SPAG6: variants seen among roughly 807,000 people sequenced by gnomAD.
SPAG6 encodes the protein sperm associated antigen 6.
A neutral mutation model predicts 58.5 loss-of-function variants in SPAG6; 49 were observed. The observed-to-expected ratio is 0.84, with a 90% CI of 0.67 to 1.06. The LOEUF (loss-of-function observed/expected upper bound fraction) is 1.06. Ranked by LOEUF, SPAG6 falls within the 50% of genes least tolerant of loss-of-function variation. SPAG6 has a pLI of 0.00. For synonymous variants in SPAG6, 233 were observed against 225.6 expected (o/e 1.03, Z -0.29); for missense variants, 560 against 611.3 (o/e 0.92, Z 0.89).
intron 4 of SPAG6, among the ~76,000 whole-genome samples, chr10:22,373,105 C>T (rs1434110150): frequency 6.6e-6 from 1 of 152,162 alleles, no homozygotes; most frequent in African/African-American, 2.4e-5. Context: ...GCTTTCCACC[C>T]GGTTGACTCT....
At chr10:22,365,632 G>A (rs1837176417) in intron 3 of SPAG6, among the ~76,000 whole-genome samples, 1 of 152,032 alleles carries the variant, frequency 6.6e-6, no homozygotes, top group African/African-American at 2.4e-5. Flanking sequence ...GGTAGGTTTT[G>A]GACTGTTCAT....
At position 22,368,679 on chromosome 10, in the gene SPAG6, G is replaced by A. The variant is rs1331637384; in HGVS notation, c.472+1G>A. On this transcript the variant is annotated splice_donor_variant, in intron 4 of 10. Coordinates refer to ENST00000376624, the MANE Select transcript of SPAG6 (RefSeq NM_012443.4). LOFTEE classifies it high-confidence loss of function. ...AGATATATTGCAAGACATAATGCAGGTAATTTAAAATATGCAGGAGCATAT... is the reference window on the plus strand; with the variant it reads ...AGATATATTGCAAGACATAATGCAGATAATTTAAAATATGCAGGAGCATAT... The A allele has an allele frequency of 6.2e-7, 1 of 1,603,802 alleles. No individual in the cohort carries two copies. The highest frequency in any genetic ancestry group is 1.1e-5 in the South Asian group (1 of 89,770).
rs763198639 is a variant in SPAG6 at position 22,412,469 on chromosome 10, T to C, written c.1460+1293T>C. ...GTAAATTCTTTCCAGAGTTGCAAGT[T>C]TGTGCACTTTTTAGGAAGTTTATGA... On this transcript the variant is annotated intron_variant, in intron 10 of 10. Coordinates refer to ENST00000376624, the MANE Select transcript of SPAG6 (RefSeq NM_012443.4). 8 of 1,531,480 alleles carry C rather than the reference T, an allele frequency of 5.2e-6. No homozygotes were observed. In the South Asian group the frequency reaches 9.6e-5, roughly 18 times the overall value. 94.9% of individuals were successfully genotyped at this position (1,531,480 alleles called of 1,614,324 possible). A position where few individuals can be genotyped will look rare whatever the true frequency, so the allele number is the denominator to read the frequency against.
intron 4 of SPAG6, among the ~76,000 whole-genome samples, chr10:22,372,567 A>C (rs564545652): frequency 4.2e-4 from 64 of 152,196 alleles, no homozygotes; most frequent in Admixed American, 1.0e-3. Flanking sequence ...AGGCCTTGTG[A>C]CTGAAGTCCT....
chr10:22,373,725 T>C (rs370414443), intron 4 of SPAG6, among the ~76,000 whole-genome samples: 12 of 152,304 alleles, frequency 7.9e-5, no homozygotes, highest in Admixed American at 2.6e-4. Context: ...TTTATCTTTC[T>C]TTTCATACCT....
At chr10:22,410,543 G>A (rs545812535) in intron 9 of SPAG6, among the ~76,000 whole-genome samples, 13 of 152,134 alleles carry the variant, frequency 8.5e-5, no homozygotes, top group African/African-American at 2.9e-4. Flanking sequence ...CATAAGGGGA[G>A]AGGTTTGTGG....
chr10:22,395,622 A>T (rs943413167), intron 8 of SPAG6, among the ~76,000 whole-genome samples: 27 of 152,188 alleles, frequency 1.8e-4, no homozygotes, highest in African/African-American at 6.3e-4. Context: ...TATATTCTGG[A>T]TGCAAGATCT....
rs879824024 is a variant in SPAG6 at position 22,346,490 on chromosome 10, C to CTTCTTCT, written c.121+681_121+687dup. On this transcript the variant is annotated intron_variant, in intron 2 of 10. Transcript: ENST00000376624. ...TCTTCTTCTTCTTCTTCTTCTTCTT[C>CTTCTTCT]TTCTTCTTTCTTCTTCTTCTTCCTC... Among the ~76,000 whole-genome samples, 537 of 135,594 alleles carry CTTCTTCT rather than the reference C, an allele frequency of 4.0e-3. 12 individuals are homozygous for CTTCTTCT. The highest frequency in any genetic ancestry group is 0.018 in the African/African-American group (507 of 28,346). The allele number at this position is 135,594 out of a possible 152,430, so 89.0% of individuals were successfully genotyped here.
At position 22,345,699 on chromosome 10, in the gene SPAG6, C is replaced by A; in HGVS notation, c.26-24C>A. 1.2e-6 allele frequency: 2 copies of A among 1,600,904 alleles called. No individual in the cohort carries two copies. Among genetic ancestry groups the A allele is most frequent in the Non-Finnish European group, 8.5e-7 (1 of 1,174,242 alleles). On this transcript the variant is annotated intron_variant, in intron 1 of 10. Coordinates refer to ENST00000376624, the MANE Select transcript of SPAG6 (RefSeq NM_012443.4). The surrounding 1 kb of genome is among the most constrained non-coding windows in gnomAD (Gnocchi z 6.3). ...GCCGAGGAGACCCGGGTGCGGTGGG[C>A]TCCACCGACTCTCTCTCCCGCAGTG...
intron 4 of SPAG6, among the ~76,000 whole-genome samples, chr10:22,380,835 A>G (rs565880065): frequency 6.6e-6 from 1 of 152,300 alleles, no homozygotes; most frequent in Non-Finnish European, 1.5e-5. Flanking sequence ...AAAAATTAAA[A>G]AGCAATAAAG....
intron 4 of SPAG6, among the ~76,000 whole-genome samples, chr10:22,374,339 A>G (rs1833769023): frequency 6.6e-6 from 1 of 152,164 alleles, no homozygotes; most frequent in Non-Finnish European, 1.5e-5. Context: ...GTGGGACTTT[A>G]TAATCTAAGG....
At chr10:22,364,150 T>C (rs1189692526) in intron 2 of SPAG6, among the ~76,000 whole-genome samples, 1 of 151,018 alleles carries the variant, frequency 6.6e-6, no homozygotes, top group Non-Finnish European at 1.5e-5. Flanking sequence ...TTACCATTCA[T>C]TAGTTGTGTG....
intron 2 of SPAG6, among the ~76,000 whole-genome samples, chr10:22,357,054 T>A (rs765934852): frequency 6.6e-6 from 1 of 152,218 alleles, no homozygotes; most frequent in Non-Finnish European, 1.5e-5. Context: ...CTCAGTTTTG[T>A]CAACATATGA....
intron 2 of SPAG6, among the ~76,000 whole-genome samples, chr10:22,358,370 G>A (rs1438008017): frequency 6.6e-6 from 1 of 151,438 alleles, no homozygotes; most frequent in African/African-American, 2.4e-5. Context: ...TTTTTTGGCT[G>A]CATAAATGTC....
chr10:22,411,229 T>C, intron 10 of SPAG6, 53 bp downstream of exon 10: 1 of 1,495,368 alleles, frequency 6.7e-7, no homozygotes, highest in Non-Finnish European at 9.1e-7. Flanking sequence ...TTTTTCTGTT[T>C]TCACATCTAG....
chr10:22,392,495 T>C (rs1564374927), intron 8 of SPAG6, among the ~76,000 whole-genome samples: 2 of 152,018 alleles, frequency 1.3e-5, no homozygotes, highest in Admixed American at 1.3e-4. Context: ...CTAAAATGCT[T>C]CACAAAACAT....
At chr10:22,346,496 C>T (rs866933961) in intron 2 of SPAG6, among the ~76,000 whole-genome samples, 2 of 75,738 alleles carry the variant, frequency 2.6e-5, no homozygotes, top group Admixed American at 1.3e-4. Context: ...TCTTCTTCTT[C>T]TTTCTTCTTC....
Position 22,364,840 on chromosome 10 carries a change from T to C in SPAG6, c.122-13T>C, listed in dbSNP as rs760916239. 6.3e-7 allele frequency: 1 copy of C among 1,585,910 alleles called. No homozygotes were observed. The highest frequency in any genetic ancestry group is 1.8e-5 in the Admixed American group (1 of 54,666). On this transcript the variant is annotated splice_polypyrimidine_tract_variant and intron_variant, in intron 2 of 10. Coordinates refer to ENST00000376624, the MANE Select transcript of SPAG6 (RefSeq NM_012443.4). ...AATTTTCCTGATTTCTGTTCTTTCATAATTTAACTCAGGTGTAATGTCTTT... is the reference window on the plus strand; with the variant it reads ...AATTTTCCTGATTTCTGTTCTTTCACAATTTAACTCAGGTGTAATGTCTTT...
In SPAG6 at chr10:22,389,165, A is replaced by G. The variant is rs1018128736; in HGVS notation, c.858A>G (p.Ser286=). Residue 286 remains serine, a synonymous_variant, in exon 7 of 11, where the codon TCA becomes TCG. Transcript: ENST00000376624. ...CTCTTGTTCCCATCGCTTAGCTTTC[A>G]CAGCTGGTAGTTAACGCAGGAGGGG... The part of the protein sequence containing the change: ...REIAKHTPEL[S]QLVVNAGGVA... 3 of 1,612,978 alleles carry G rather than the reference A, an allele frequency of 1.9e-6. No individual in the cohort carries two copies. The African/African-American group carries it at 4.0e-5, about 22-fold the overall frequency.
Sources: allele counts gnomAD v4.1 joint callset (sites outside exome capture counted in the v4.1 genomes callset), GRCh38; gene constraint gnomAD v4.1.1; non-coding constraint Gnocchi (gnomAD v3.1); transcripts MANE v1.5; gene names NCBI Gene and HGNC (gene_info 2026-07-23, HGNC 2026-07-21).